Variants in VPS26C observed in about 807,000 individuals in gnomAD.
The protein encoded by VPS26C is VPS26 endosomal protein sorting factor C.
Under a neutral mutation model 30.6 loss-of-function variants are expected in VPS26C, and 19 were observed. The observed-to-expected ratio is 0.62, with a 90% CI of 0.43 to 0.91. The LOEUF (loss-of-function observed/expected upper bound fraction) is 0.91. VPS26C is among the 40% of genes least tolerant of loss of function. The pLI, the probability that VPS26C is intolerant of heterozygous loss-of-function variation, is 0.00. For missense variants in VPS26C, 318 were observed against 385.1 expected, an observed-to-expected ratio of 0.83 and a Z score of 1.46; for synonymous variants, 132 against 151.5, an observed-to-expected ratio of 0.87 and a Z score of 0.95.
intron 1 of VPS26C, among the ~76,000 whole-genome samples, chr21:37,265,896 A>C (rs2086354398): frequency 6.7e-6 from 1 of 148,696 alleles, no homozygotes; most frequent in Non-Finnish European, 1.5e-5. Context: ...TCCATTATAA[A>C]GGTAGCTTTT....
Position 37,246,433 on chromosome 21 carries a change from T to TA in VPS26C, c.58-5795dup, listed in dbSNP as rs78342403. The stretch of plus-strand genomic sequence containing the variant: ...CAAAAATAAAAAAACCCAACCAAAC[T>TA]AAAAAAAAAAACATATCCCAAGCAA... On this transcript the variant is annotated intron_variant, in intron 1 of 7. Coordinates refer to ENST00000309117, the MANE Select transcript of VPS26C (RefSeq NM_006052.2). Among the ~76,000 whole-genome samples the TA allele has an allele frequency of 1.6e-3, 236 of 143,070 alleles. 2 individuals carry two copies. Among genetic ancestry groups the TA allele is most frequent in the East Asian group, 0.015 (75 of 4,950 alleles). 93.9% of individuals were successfully genotyped at this position (143,070 alleles called of 152,430 possible).
intron 3 of VPS26C, among the ~76,000 whole-genome samples, chr21:37,235,600 A>G (rs1342274733): frequency 6.6e-6 from 1 of 152,216 alleles, no homozygotes; most frequent in Admixed American, 6.5e-5. Context: ...CAAGAGTAGA[A>G]CAAACCTAAT....
chr21:37,264,419 G>T (rs918057383), intron 1 of VPS26C, among the ~76,000 whole-genome samples: 2 of 152,168 alleles, frequency 1.3e-5, no homozygotes, highest in Non-Finnish European at 2.9e-5. Flanking sequence ...TATGACTTCT[G>T]CTGGGGCAAC....
chr21:37,263,858 G>A (rs919009322), intron 1 of VPS26C, among the ~76,000 whole-genome samples: 1 of 152,202 alleles, frequency 6.6e-6, no homozygotes, highest in Non-Finnish European at 1.5e-5. Flanking sequence ...GAGAAAATGT[G>A]TATGCTATCA....
chr21:37,231,069 G>A (rs546309229), intron 5 of VPS26C, among the ~76,000 whole-genome samples: 6 of 152,326 alleles, frequency 3.9e-5, no homozygotes, highest in African/African-American at 1.4e-4. Flanking sequence ...TGATGAGCAG[G>A]TGCTGAGGAC....
chr21:37,235,686 G>C (rs78164593), intron 3 of VPS26C, among the ~76,000 whole-genome samples: 3,419 of 151,910 alleles, frequency 0.023, 60 homozygotes, highest in Middle Eastern at 0.048. Flanking sequence ...AGACTCTGAT[G>C]ATCATATGAA....
chr21:37,267,631 A>G, upstream of VPS26C: 1 of 325,038 alleles, frequency 3.1e-6, no homozygotes, highest in South Asian at 4.3e-5. Context: ...GGGTTAGCGG[A>G]GGGAGGGAGG....
chr21:37,267,070 C>G, intron 1 of VPS26C, 168 bp downstream of exon 1: 2 of 692,666 alleles, frequency 2.9e-6, no homozygotes, highest in Admixed American at 2.2e-5. Context: ...GCGGGAAGCA[C>G]CTGGCGGGGA....
Position 37,233,552 on chromosome 21 carries a change from C to T in VPS26C, c.352-110G>A, listed in dbSNP as rs1470214107. 4.1e-6 allele frequency: 3 copies of T among 740,386 alleles called. No homozygotes were observed. The highest frequency in any genetic ancestry group is 1.5e-5 in the South Asian group (1 of 65,716). 45.9% of individuals were successfully genotyped at this position (740,386 alleles called of 1,614,324 possible). On this transcript the variant is annotated intron_variant, in intron 3 of 7. Coordinates refer to ENST00000309117, the MANE Select transcript of VPS26C (RefSeq NM_006052.2). The surrounding 1 kb of genome is among the most constrained non-coding windows in gnomAD (Gnocchi z 5.2). The stretch of plus-strand genomic sequence containing the variant: ...CAACATATTTTAGGGAAATGTTGTA[C>T]AATCAGTGCATTATAGAAAATTAAC...
upstream of VPS26C, chr21:37,267,367 T>C (rs914674583): frequency 9.4e-6 from 13 of 1,380,320 alleles, no homozygotes; most frequent in Admixed American, 1.9e-4. Flanking sequence ...CCTCCCCGCT[T>C]CGTTCTGGGC....
Position 37,225,440 on chromosome 21 carries a change from A to T in VPS26C, c.*104T>A. 1 of 971,126 alleles carries T rather than the reference A, an allele frequency of 1.0e-6. No individual in the cohort carries two copies. Among genetic ancestry groups the T allele is most frequent in the Non-Finnish European group, 1.6e-6 (1 of 615,522 alleles). The allele number at this position is 971,126 out of a possible 1,614,324, so 60.2% of individuals were successfully genotyped here. On this transcript the variant is annotated 3_prime_UTR_variant, in exon 8 of 8. Coordinates refer to ENST00000309117, the MANE Select transcript of VPS26C (RefSeq NM_006052.2). ...GTTTCATTTCTGATACAGAATAATC[A>T]CAAAAACAAGTATATGCCGCTGGCT...
chr21:37,264,984 G>A (rs1293402037), intron 1 of VPS26C, among the ~76,000 whole-genome samples: 1 of 152,204 alleles, frequency 6.6e-6, no homozygotes, highest in Non-Finnish European at 1.5e-5. Context: ...CTCATGCTAT[G>A]ACAAGCATGA....
chr21:37,243,248 G>A (rs181452235), intron 1 of VPS26C, among the ~76,000 whole-genome samples: 40 of 152,140 alleles, frequency 2.6e-4, no homozygotes, highest in African/African-American at 8.7e-4. Context: ...CTAATACCTC[G>A]TCCAACATCA....
intron 7 of VPS26C, 89 bp downstream of exon 7, chr21:37,227,565 G>A: frequency 2.0e-6 from 3 of 1,473,772 alleles, no homozygotes; most frequent in South Asian, 1.2e-5. Flanking sequence ...AAGGGCGGCA[G>A]GTTCTGAGCT....
chr21:37,255,395 G>A (rs967594141), intron 1 of VPS26C, among the ~76,000 whole-genome samples: 2 of 152,198 alleles, frequency 1.3e-5, no homozygotes, highest in Non-Finnish European at 2.9e-5. Context: ...ATAAGACACT[G>A]TCATGGGGGA....
At chr21:37,241,324 T>C (rs2086085084) in intron 1 of VPS26C, among the ~76,000 whole-genome samples, 1 of 152,190 alleles carries the variant, frequency 6.6e-6, no homozygotes, top group Admixed American at 6.5e-5. Flanking sequence ...CAACAGATCA[T>C]CTGTGCATTT....
At position 37,247,991 on chromosome 21, in the gene VPS26C, C is replaced by T. The variant is rs577513024; in HGVS notation, c.58-7352G>A. 3.3e-5 allele frequency among the ~76,000 whole-genome samples: 5 copies of T among 152,094 alleles called. No individual in the cohort carries two copies. The South Asian group carries it at 6.2e-4, about 19-fold the overall frequency. ...TTTGAGACCAGCCTAGGCAGCATAG[C>T]GAGACCCTGTCTCTAAAAAAAGAAA... On this transcript the variant is annotated intron_variant, in intron 1 of 7. Coordinates refer to ENST00000309117, the MANE Select transcript of VPS26C (RefSeq NM_006052.2).
At chr21:37,262,915 G>A (rs2086320192) in intron 1 of VPS26C, among the ~76,000 whole-genome samples, 1 of 151,792 alleles carries the variant, frequency 6.6e-6, no homozygotes, top group Admixed American at 6.6e-5. Flanking sequence ...TTACAGGCGT[G>A]CACCACACCC....
rs547710571 is a variant in VPS26C at position 37,240,624 on chromosome 21, C to T, written c.73G>A (p.Val25Met). Residue 25 changes from valine (V) to methionine (M), a missense_variant, in exon 2 of 8, where the codon GTG becomes ATG. Transcript: ENST00000309117. ...VYHAGEVLSGVVVISSKDSVQ... is the reference protein window; with the variant it reads ...VYHAGEVLSGMVVISSKDSVQ... ...GAATCCTTACTCGATATGACCACCA[C>T]GCCAGAGAGCACTTCCTGGGAGAGA... 74 of 1,613,772 alleles carry T rather than the reference C, an allele frequency of 4.6e-5. No homozygotes were observed. The highest frequency in any genetic ancestry group is 3.5e-4 in the South Asian group (32 of 91,032).
Sources: allele counts gnomAD v4.1 joint callset (sites outside exome capture counted in the v4.1 genomes callset), GRCh38; gene constraint gnomAD v4.1.1; non-coding constraint Gnocchi (gnomAD v3.1); transcripts MANE v1.5; gene names NCBI Gene and HGNC (gene_info 2026-07-23, HGNC 2026-07-21).